PEAK1: variants seen among roughly 807,000 people sequenced by gnomAD.
PEAK1 encodes pseudopodium enriched atypical kinase 1.
In PEAK1, 54 loss-of-function variants were observed where a neutral mutation model predicts 124.7. The ratio of observed to expected loss-of-function variants is 0.43; its 90% CI spans 0.35 to 0.54. The LOEUF (loss-of-function observed/expected upper bound fraction) is 0.54. Ranked by LOEUF, PEAK1 falls within the 20% of genes least tolerant of loss-of-function variation. The pLI, the probability that PEAK1 is intolerant of heterozygous loss-of-function variation, is 0.01. For missense variants in PEAK1, 2,046 were observed against 2,134.5 expected (o/e 0.96, Z 0.82); for synonymous variants, 719 against 760.0 (o/e 0.95, Z 0.89).
At chr15:77,197,958 A>G (rs2058188089) in intron 6 of PEAK1, among the ~76,000 whole-genome samples, 1 of 152,172 alleles carries the variant, frequency 6.6e-6, no homozygotes, top group Non-Finnish European at 1.5e-5. Context: ...AAAGATAGGT[A>G]TGTCATGAAT....
At chr15:77,253,253 G>GT (rs1555457284) in intron 5 of PEAK1, among the ~76,000 whole-genome samples, 6 of 149,190 alleles carry the variant, frequency 4.0e-5, no homozygotes, top group Non-Finnish European at 6.0e-5. Context: ...GTTGGGGGGG[G>GT]GGTGGTCCTG....
At chr15:77,259,991 T>G (rs538706267) in intron 5 of PEAK1, among the ~76,000 whole-genome samples, 1 of 152,256 alleles carries the variant, frequency 6.6e-6, no homozygotes, top group East Asian at 1.9e-4. Context: ...AACGTTACAT[T>G]AAGAAGGGTA....
In PEAK1 at chr15:77,109,541, T is replaced by A. The variant is rs1294825645; in HGVS notation, c.*4615A>T. 6.6e-6 allele frequency: 1 copy of A among 152,238 alleles called. No individual in the cohort carries two copies. The highest frequency in any genetic ancestry group is 1.5e-5 in the Non-Finnish European group (1 of 68,042). The allele number at this position is 152,238 out of a possible 1,614,324, so 9.4% of individuals were successfully genotyped here. ...CCAGGATCTTGCACTGCAACTCTTC[T>A]GGCTTCCCTTATGGCACCGTTTTTG... On this transcript the variant is annotated 3_prime_UTR_variant, in exon 10 of 10. Transcript: ENST00000682557.
chr15:77,210,028 T>C (rs1202129875), intron 6 of PEAK1, among the ~76,000 whole-genome samples: 2 of 152,220 alleles, frequency 1.3e-5, no homozygotes, highest in Admixed American at 6.5e-5. Context: ...CAGTTACTTA[T>C]GTCTTTGAAC....
At position 77,261,403 on chromosome 15, in the gene PEAK1, T is replaced by G. The variant is rs980323703; in HGVS notation, c.-274-8877A>C. Among the ~76,000 whole-genome samples the G allele has an allele frequency of 5.9e-5, 9 of 152,052 alleles. No individual in the cohort carries two copies. The East Asian group carries it at 1.5e-3, about 26-fold the overall frequency. ...AGATTAGACGAATGGCTAACTAGAA[T>G]AACCAATGCAGAGAAGTCCTTAAAG... On this transcript the variant is annotated intron_variant, in intron 5 of 9. Transcript: ENST00000682557.
chr15:77,344,631 A>C (rs973283773), intron 2 of PEAK1, among the ~76,000 whole-genome samples: 137 of 152,320 alleles, frequency 9.0e-4, no homozygotes, highest in African/African-American at 3.2e-3. Flanking sequence ...GATCTAATTG[A>C]ATCTATAAAT....
chr15:77,153,342 T>G (rs2054830088), intron 8 of PEAK1, among the ~76,000 whole-genome samples: 1 of 152,204 alleles, frequency 6.6e-6, no homozygotes, highest in Non-Finnish European at 1.5e-5. Flanking sequence ...GATATCCCCT[T>G]TATCATTTTT....
rs185622790 is a variant in PEAK1 at position 77,252,681 on chromosome 15, C to T, written c.-274-155G>A. ...TATCTTTTCTACTTAGGTGGAGACA[C>T]GCATAGAACCTCACACACTCAAGAC... On this transcript the variant is annotated intron_variant, in intron 5 of 9. Transcript: ENST00000682557. 406 of 371,296 alleles carry T rather than the reference C, an allele frequency of 1.1e-3. 3 individuals carry two copies. The highest frequency in any genetic ancestry group is 8.1e-3 in the African/African-American group (368 of 45,496). 23.0% of individuals were successfully genotyped at this position (371,296 alleles called of 1,614,324 possible).
chr15:77,129,599 C>CTTT (rs148499293), intron 9 of PEAK1, among the ~76,000 whole-genome samples: 7 of 130,048 alleles, frequency 5.4e-5, no homozygotes, highest in African/African-American at 8.7e-5. Context: ...CAATGACTGG[C>CTTT]TATTTTTTTT....
chr15:77,371,024 G>A (rs1330723236), intron 1 of PEAK1: 16 of 755,954 alleles, frequency 2.1e-5, no homozygotes, highest in South Asian at 6.1e-5. Context: ...GCAAGACTCC[G>A]TCTCAAAAAA....
chr15:77,420,538 T>C (rs2073288461), upstream of PEAK1: 1 of 215,716 alleles, frequency 4.6e-6, no homozygotes, highest in East Asian at 9.4e-5. Context: ...AGGTCAGCCG[T>C]CATCGAATAC....
At chr15:77,142,484 A>G (rs2053864835) in intron 8 of PEAK1, among the ~76,000 whole-genome samples, 2 of 152,248 alleles carry the variant, frequency 1.3e-5, no homozygotes, top group Non-Finnish European at 2.9e-5. Flanking sequence ...AACTGAAAAC[A>G]TGTCCACCAA....
At chr15:77,178,597 A>T in intron 7 of PEAK1, 193 bp downstream of exon 7, 2 of 622,000 alleles carry the variant, frequency 3.2e-6, no homozygotes, top group South Asian at 5.2e-5. Flanking sequence ...CCAGGGCTAT[A>T]AACCTTGTTC....
At chr15:77,414,750 A>G (rs923176368) in intron 1 of PEAK1, among the ~76,000 whole-genome samples, 15 of 152,248 alleles carry the variant, frequency 9.9e-5, no homozygotes, top group South Asian at 2.1e-4. Flanking sequence ...TGTCTAGCAC[A>G]TAGGAGGTAC....
chr15:77,352,745 T>C (rs1429359452), intron 2 of PEAK1: 1 of 965,296 alleles, frequency 1.0e-6, no homozygotes, highest in Non-Finnish European at 1.2e-6. Flanking sequence ...AGACAAAAAA[T>C]ATTTTCCCTA....
intron 1 of PEAK1, among the ~76,000 whole-genome samples, chr15:77,365,475 C>T (rs1323271058): frequency 6.6e-6 from 1 of 152,158 alleles, no homozygotes; most frequent in Non-Finnish European, 1.5e-5. Flanking sequence ...CGGCGGCTCA[C>T]GCCTGTAATC....
chr15:77,377,052 G>A (rs2069083396), intron 1 of PEAK1, among the ~76,000 whole-genome samples: 1 of 152,140 alleles, frequency 6.6e-6, no homozygotes, highest in South Asian at 2.1e-4. Flanking sequence ...TTACTATATT[G>A]AATACTGTAG....
intron 1 of PEAK1, among the ~76,000 whole-genome samples, chr15:77,395,667 C>A (rs756878778): frequency 3.5e-4 from 53 of 151,616 alleles, no homozygotes; most frequent in Non-Finnish European, 5.7e-4. Context: ...ATTTAAAGTG[C>A]TTAAGGAAAA....
In PEAK1 at chr15:77,178,605, T is replaced by C. The variant is rs529377972; in HGVS notation, c.3137+185A>G. On this transcript the variant is annotated intron_variant, in intron 7 of 9. Transcript: ENST00000682557. ...CAAAGATCCAGGGCTATAAACCTTG[T>C]TCAGTGCAGTAAGATCACTTTAATA... The C allele has an allele frequency of 1.8e-4, 117 of 650,608 alleles. 2 individuals are homozygous for C. Among genetic ancestry groups the C allele is most frequent in the Admixed American group, 4.8e-4 (16 of 33,262 alleles). The allele number at this position is 650,608 out of a possible 1,614,324, so 40.3% of individuals were successfully genotyped here. A position where few individuals can be genotyped will look rare whatever the true frequency, so the allele number is the denominator to read the frequency against.
Sources: allele counts gnomAD v4.1 joint callset (sites outside exome capture counted in the v4.1 genomes callset), GRCh38; gene constraint gnomAD v4.1.1; transcripts MANE v1.5; gene names NCBI Gene and HGNC (gene_info 2026-07-23, HGNC 2026-07-21).